Variants in TRIM22 observed in about 807,000 individuals in gnomAD.
TRIM22 encodes tripartite motif containing 22.
TRIM22 carries 45 observed loss-of-function variants against 53.6 expected under a neutral mutation model. The ratio of observed to expected loss-of-function variants is 0.84; its 90% confidence interval spans 0.66 to 1.08. The LOEUF (loss-of-function observed/expected upper bound fraction) is 1.08, where lower values mean the gene tolerates loss of function less well. TRIM22 is among the 50% of genes least tolerant of loss of function. The pLI is 0.00. For synonymous variants in TRIM22, 225 were observed against 216.6 expected (o/e 1.04, Z -0.34); for missense variants, 616 against 590.9 (o/e 1.04, Z -0.44).
At position 5,709,827 on chromosome 11, in the gene TRIM22, A is replaced by C; in HGVS notation, c.*179A>C. ...GCAAAGCATCATAGATTGCTGATTT[A>C]AACTGTAATTGTATTGCCGTACTGT... On this transcript the variant is annotated 3_prime_UTR_variant, in exon 8 of 8. Transcript: ENST00000379965. 2 of 619,118 alleles carry C rather than the reference A, an allele frequency of 3.2e-6. No homozygotes were observed. Among genetic ancestry groups the C allele is most frequent in the Non-Finnish European group, 5.5e-6 (2 of 360,380 alleles). The allele number at this position is 619,118 out of a possible 1,614,324, so 38.4% of individuals were successfully genotyped here.
At chr11:5,690,265 GCTT>G (rs781173085) in intron 1 of TRIM22, among the ~76,000 whole-genome samples, 6 of 152,162 alleles carry the variant, frequency 3.9e-5, no homozygotes, top group African/African-American at 9.7e-5. Flanking sequence ...GCAGAGGGGT[GCTT>G]CTTCTTTGCC....
In TRIM22 at chr11:5,710,585, C is replaced by T. The variant is rs1323566765; in HGVS notation, c.*937C>T. ...TTTCTGAGGTCAAATTTTATCTTTT[C>T]ACTTACAAGCTCTATGATCTTAAAT... is the stretch of plus-strand genomic sequence containing the variant. On this transcript the variant is annotated 3_prime_UTR_variant, in exon 8 of 8. Coordinates refer to ENST00000379965, the MANE Select transcript of TRIM22 (RefSeq NM_006074.5). 1.3e-5 allele frequency: 2 copies of T among 152,140 alleles called. No homozygotes were observed. The highest frequency in any genetic ancestry group is 1.3e-4 in the Admixed American group (2 of 15,278). 9.4% of individuals were successfully genotyped at this position (152,140 alleles called of 1,614,324 possible).
At chr11:5,699,815 A>G (rs1307077757) in intron 4 of TRIM22, among the ~76,000 whole-genome samples, 8 of 150,274 alleles carry the variant, frequency 5.3e-5, no homozygotes, top group Non-Finnish European at 4.4e-5. Context: ...AATAACTAAC[A>G]CTGCTGAAAA....
At chr11:5,702,852 T>C (rs1400678076) in intron 4 of TRIM22, among the ~76,000 whole-genome samples, 1 of 152,226 alleles carries the variant, frequency 6.6e-6, no homozygotes, top group South Asian at 2.1e-4. Context: ...TGGCAAAGTA[T>C]TTCCTTCATT....
intron 3 of TRIM22, 30 bp downstream of exon 3, chr11:5,697,373 T>TGTCC: frequency 6.4e-7 from 1 of 1,552,278 alleles, no homozygotes; most frequent in Non-Finnish European, 8.8e-7. Flanking sequence ...AAGGGATAAT[T>TGTCC]AGACAGGAAT....
intron 4 of TRIM22, among the ~76,000 whole-genome samples, chr11:5,699,492 CCGCAG>C (rs1432815458): frequency 6.7e-5 from 7 of 104,526 alleles, no homozygotes; most frequent in Non-Finnish European, 1.2e-4. Flanking sequence ...CCACTGCAGT[CCGCAG>C]TCCGGCCTGG....
chr11:5,706,616 G>C lies in TRIM22; in HGVS notation c.773G>C (p.Arg258Thr). 2.5e-6 allele frequency: 4 copies of C among 1,611,410 alleles called. No homozygotes were observed. Among genetic ancestry groups the C allele is most frequent in the Non-Finnish European group, 3.4e-6 (4 of 1,178,302 alleles). The change falls in exon 5 of 8, where the codon AGG (arginine) becomes ACG (threonine). Residue 258 changes from arginine to threonine, a missense_variant and splice_region_variant. Physicochemically the swap from Arg to Thr is moderately conservative, Grantham distance 71 (BLOSUM62 -1). Transcript: ENST00000379965. ...CAGGATGTGATTGACGTCATGAAAA[G>C]GTATATGTGGAAGAGAGATGTGGTC... ...MLQDVIDVMKRSESWTLKKPK... is the reference protein window; with the variant it reads ...MLQDVIDVMKTSESWTLKKPK...
rs746289333 is a variant in TRIM22 at position 5,696,356 on chromosome 11, A to G, written c.124A>G (p.Lys42Glu). ...CTTCTGCCAAGCCTGCATCACTGCAAAGATCAAGGAGTCAGTGATCATCTC... is the reference window on the plus strand; with the variant it reads ...CTTCTGCCAAGCCTGCATCACTGCAGAGATCAAGGAGTCAGTGATCATCTC... ...HSFCQACITA[K>E]IKESVIISRG... The change falls in exon 2 of 8, where the codon AAG becomes GAG. Residue 42 changes from lysine to glutamate, a missense_variant. By Grantham distance (56) the Lys-to-Glu change is moderately conservative. Transcript: ENST00000379965. 3 of 1,614,240 alleles carry G rather than the reference A, an allele frequency of 1.9e-6. No individual in the cohort carries two copies. The highest frequency in any genetic ancestry group is 3.3e-5 in the Admixed American group (2 of 60,036).
intron 1 of TRIM22, among the ~76,000 whole-genome samples, chr11:5,691,793 A>G (rs1853177053): frequency 6.6e-6 from 1 of 152,034 alleles, no homozygotes; most frequent in South Asian, 2.1e-4. Flanking sequence ...CTTGATGCCT[A>G]TGTCACCCAT....
chr11:5,693,721 C>CAAAAAAAA, intron 1 of TRIM22, among the ~76,000 whole-genome samples: 25 of 87,438 alleles, frequency 2.9e-4, no homozygotes, highest in Non-Finnish European at 3.7e-4. Flanking sequence ...GACTCCGTCT[C>CAAAAAAAA]AAAAAAAAAA....
At chr11:5,690,918 C>T (rs951782725) in intron 1 of TRIM22, 1 of 152,248 alleles carries the variant, frequency 6.6e-6, no homozygotes, top group African/African-American at 2.4e-5. Context: ...AAGTAAGGCC[C>T]TTTTGAAGGT....
rs757254203 is a variant in TRIM22 at position 5,709,154 on chromosome 11, A to G, written c.1003A>G (p.Asn335Asp). ...TVRTCTFKNS[N>D]PCDFSAFGVF... ...ACGCACCTGCACATTTAAGAATTCAAATCCATGTGATTTTTCTGCTTTTGG... is the reference window on the plus strand; with the variant it reads ...ACGCACCTGCACATTTAAGAATTCAGATCCATGTGATTTTTCTGCTTTTGG... Residue 335 changes from asparagine to aspartate, a missense_variant, in exon 8 of 8, where the codon AAT becomes GAT. Coordinates refer to ENST00000379965, the MANE Select transcript of TRIM22 (RefSeq NM_006074.5). 30 of 1,614,014 alleles carry G rather than the reference A, an allele frequency of 1.9e-5. No homozygotes were observed. Among genetic ancestry groups the G allele is most frequent in the Non-Finnish European group, 2.5e-5 (29 of 1,180,042 alleles).
At chr11:5,708,719 T>G in intron 7 of TRIM22, 116 bp downstream of exon 7, 1 of 712,316 alleles carries the variant, frequency 1.4e-6, no homozygotes, top group Non-Finnish European at 2.0e-6. Context: ...TGTAGTTCTT[T>G]TTTTTTTTTT....
At chr11:5,708,627 A>G (rs749983541) in intron 7 of TRIM22, 24 bp downstream of exon 7, 6 of 1,602,144 alleles carry the variant, frequency 3.7e-6, no homozygotes, top group Non-Finnish European at 5.1e-6. Context: ...GGGTTTTCAA[A>G]TCACTTCCTT....
chr11:5,695,585 T>C (rs1249671743), intron 1 of TRIM22, among the ~76,000 whole-genome samples: 1 of 151,142 alleles, frequency 6.6e-6, no homozygotes, highest in Admixed American at 6.6e-5. Context: ...TTTCAGGTGA[T>C]AAAAATAATT....
In TRIM22 at chr11:5,709,279, T is replaced by C. The variant is rs1420503507; in HGVS notation, c.1128T>C (p.Ser376=). 6.2e-7 allele frequency: 1 copy of C among 1,613,940 alleles called. No homozygotes were observed. The highest frequency in any genetic ancestry group is 8.5e-7 in the Non-Finnish European group (1 of 1,180,004). The change falls in exon 8 of 8, where the codon AGT becomes AGC. Residue 376 remains serine (S), a synonymous_variant. Coordinates refer to ENST00000379965, the MANE Select transcript of TRIM22 (RefSeq NM_006074.5). ...TCCTGGGCGTACACAGTAAAATAAG[T>C]AGTCTGAATAAAAGGAAGAGCTCTG... ...AWILGVHSKI[S]SLNKRKSSGF... is the part of the protein sequence containing the mutation.
chr11:5,707,879 A>G (rs942122225), intron 5 of TRIM22, among the ~76,000 whole-genome samples: 1 of 152,200 alleles, frequency 6.6e-6, no homozygotes, highest in African/African-American at 2.4e-5. Flanking sequence ...CATTTTTAAG[A>G]GGTAGAAAGC....
rs1173878375 is a variant in TRIM22, at chr11:5,710,282, G to C, written c.*634G>C. The C allele has an allele frequency of 1.3e-5, 2 of 151,844 alleles. No individual in the cohort carries two copies. Among genetic ancestry groups the C allele is most frequent in the Admixed American group, 1.3e-4 (2 of 15,254 alleles). 9.4% of individuals were successfully genotyped at this position (151,844 alleles called of 1,614,324 possible). The stretch of plus-strand genomic sequence containing the variant: ...AAACATTATTATTTTTTTTATATTT[G>C]CAAAGGAAACATATCTAATCCTTCC... On this transcript the variant is annotated 3_prime_UTR_variant, in exon 8 of 8. Transcript: ENST00000379965.
chr11:5,703,464 C>T (rs4910575), intron 4 of TRIM22, among the ~76,000 whole-genome samples: 111,671 of 151,146 alleles, frequency 0.74, 41,596 homozygotes, highest in African/African-American at 0.79. Flanking sequence ...TGGCTCACTG[C>T]AAGCTCTGCT....
Sources: allele counts gnomAD v4.1 joint callset (sites outside exome capture counted in the v4.1 genomes callset), GRCh38; gene constraint gnomAD v4.1.1; transcripts MANE v1.5; gene names NCBI Gene and HGNC (gene_info 2026-07-23, HGNC 2026-07-21).